The following NGEF variants were observed in gnomAD, a reference collection of about 807,000 sequenced individuals.
The protein encoded by NGEF is ephexin-1.
Under a neutral mutation model 80.9 loss-of-function variants are expected in NGEF, and 31 were observed. The ratio of observed to expected loss-of-function variants is 0.38; its 90% CI spans 0.29 to 0.52. NGEF has a LOEUF of 0.52. NGEF is among the 20% of genes least tolerant of loss of function. NGEF has a pLI of 0.84. For synonymous variants in NGEF, 371 were observed against 370.2 expected (o/e 1.00, Z -0.03); for missense variants, 709 against 926.2 (o/e 0.77, Z 3.04).
At chr2:232,925,373 G>A (rs1693038980) in intron 4 of NGEF, among the ~76,000 whole-genome samples, 1 of 152,220 alleles carries the variant, frequency 6.6e-6, no homozygotes, top group Non-Finnish European at 1.5e-5. Context: ...ACTCTGTTGA[G>A]CTACTATGGG....
rs1487508374 is a variant in NGEF at position 232,882,234 on chromosome 2, C to T, written c.1789G>A (p.Ala597Thr). ...ACAAACTTGGTCCTCCTGTTGGGGGCCAGTGAGGTCATCCAACGCTTCATC... is the reference window on the plus strand; with the variant it reads ...ACAAACTTGGTCCTCCTGTTGGGGGTCAGTGAGGTCATCCAACGCTTCATC... ...SEMKRWMTSL[A>T]PNRRTKFVSF... Residue 597 changes from alanine to threonine, a missense_variant, in exon 13 of 15, where the codon GCC (alanine) becomes ACC (threonine). Around this residue, in one of 2 missense-constraint regions of NGEF, gnomAD observed 426 missense variants for 622.9 expected, o/e 0.68. Transcript: ENST00000264051. The T allele has an allele frequency of 1.2e-6, 2 of 1,613,632 alleles. No individual in the cohort carries two copies. The highest frequency in any genetic ancestry group is 1.7e-6 in the Non-Finnish European group (2 of 1,179,910).
chr2:232,952,862 CA>C (rs1297259870), intron 3 of NGEF, among the ~76,000 whole-genome samples: 1 of 148,544 alleles, frequency 6.7e-6, no homozygotes, highest in Non-Finnish European at 1.5e-5. Flanking sequence ...CCAGCTACTC[CA>C]GAGGCTGAGG....
At chr2:232,903,472 G>A (rs1376826969) in intron 5 of NGEF, among the ~76,000 whole-genome samples, 1 of 152,100 alleles carries the variant, frequency 6.6e-6, no homozygotes, top group Non-Finnish European at 1.5e-5. Flanking sequence ...CTGAATATGT[G>A]TCTGACGAGG....
intron 6 of NGEF, among the ~76,000 whole-genome samples, chr2:232,893,392 C>G (rs1251759974): frequency 6.6e-6 from 1 of 152,242 alleles, no homozygotes; most frequent in East Asian, 1.9e-4. Flanking sequence ...GGGCTGACCA[C>G]TGCTGACGCT....
chr2:232,966,058 C>T (rs574708812), intron 3 of NGEF, among the ~76,000 whole-genome samples: 46 of 152,310 alleles, frequency 3.0e-4, no homozygotes, highest in African/African-American at 9.1e-4. Context: ...TGGTCTCTTT[C>T]GCTGGGTATT....
At chr2:232,979,061 A>G (rs942583579) in intron 1 of NGEF, among the ~76,000 whole-genome samples, 2 of 152,086 alleles carry the variant, frequency 1.3e-5, no homozygotes, top group African/African-American at 2.4e-5. Flanking sequence ...TATACCACCA[A>G]GGGCACTGGG....
intron 1 of NGEF, among the ~76,000 whole-genome samples, chr2:233,008,469 T>A (rs956204535): frequency 2.0e-5 from 3 of 152,198 alleles, no homozygotes; most frequent in Non-Finnish European, 4.4e-5. Context: ...CAGGTTGCAC[T>A]AACTTGTACA....
chr2:233,011,925 G>C (rs896576803), intron 1 of NGEF, among the ~76,000 whole-genome samples: 7 of 152,198 alleles, frequency 4.6e-5, no homozygotes, highest in African/African-American at 7.2e-5. Flanking sequence ...GGATGTGGGA[G>C]GAGAGTGCGG....
At chr2:232,998,412 C>T (rs1031710610) in intron 1 of NGEF, among the ~76,000 whole-genome samples, 1 of 152,094 alleles carries the variant, frequency 6.6e-6, no homozygotes, top group Non-Finnish European at 1.5e-5. Flanking sequence ...TGGAGCATGG[C>T]GCATGTGCTT....
At chr2:232,899,303 C>T (rs1427696893) in intron 5 of NGEF, among the ~76,000 whole-genome samples, 1 of 152,106 alleles carries the variant, frequency 6.6e-6, no homozygotes, top group Non-Finnish European at 1.5e-5. Flanking sequence ...GTAGCCTGGA[C>T]CCGGCTGTCT....
chr2:232,941,498 C>A (rs759300330), intron 3 of NGEF, among the ~76,000 whole-genome samples: 1 of 152,204 alleles, frequency 6.6e-6, no homozygotes. Context: ...ACAAGGACAG[C>A]TTGGAGGTTA....
At position 232,929,580 on chromosome 2, in the gene NGEF, A is replaced by G. The variant is rs565143871; in HGVS notation, c.384-2394T>C. 6.6e-5 allele frequency among the ~76,000 whole-genome samples: 10 copies of G among 152,266 alleles called. No homozygotes were observed. The South Asian group carries it at 2.1e-3, about 32-fold the overall frequency. Reference sequence around the variant, plus strand: ...GGTCTCTTCATGCCCTTAAGGCCTGAGAATATTCGAGACAACCATCTGGTC... The same window carrying G: ...GGTCTCTTCATGCCCTTAAGGCCTGGGAATATTCGAGACAACCATCTGGTC... On this transcript the variant is annotated intron_variant, in intron 3 of 14. Coordinates refer to ENST00000264051, the MANE Select transcript of NGEF (RefSeq NM_019850.3).
chr2:232,944,661 GA>G (rs1203233097), intron 3 of NGEF, among the ~76,000 whole-genome samples: 2 of 146,156 alleles, frequency 1.4e-5, no homozygotes, highest in Non-Finnish European at 3.0e-5. Context: ...AATAAGGAAA[GA>G]AAAAAAGAGA....
At chr2:232,947,079 A>T (rs953752060) in intron 3 of NGEF, among the ~76,000 whole-genome samples, 5 of 152,232 alleles carry the variant, frequency 3.3e-5, no homozygotes, top group African/African-American at 1.2e-4. Context: ...GGCTAATAGG[A>T]AAGAGTATAT....
chr2:232,884,586 G>A (rs572611432), intron 10 of NGEF, among the ~76,000 whole-genome samples: 2 of 152,322 alleles, frequency 1.3e-5, no homozygotes, highest in South Asian at 4.1e-4. Context: ...ATCAGAGAAG[G>A]GGCTGAGTTC....
rs746103889 is a variant in NGEF at position 232,970,239 on chromosome 2, T to C, written c.358A>G (p.Thr120Ala). 165 of 1,596,676 alleles carry C rather than the reference T, an allele frequency of 1.0e-4. No homozygotes were observed. In the Middle Eastern group the frequency reaches 2.5e-3, roughly 25 times the overall value. ...CTCATTTCCTGGGCTCCTGGGTCTG[T>C]CTGCATTGCTGTTCTGCAAGGAGGC... The part of the protein sequence containing the change: ...RMPPCRTAMQ[T>A]DPGAQEMSES... The change falls in exon 3 of 15, where the codon ACA becomes GCA. Residue 120 changes from threonine (T) to alanine (A), a missense_variant. By Grantham distance (58) the Thr-to-Ala change is moderately conservative (BLOSUM62 0). Transcript: ENST00000264051.
intron 5 of NGEF, among the ~76,000 whole-genome samples, chr2:232,906,107 T>C (rs191329441): frequency 0.64 from 45,918 of 72,146 alleles, 14,377 homozygotes; most frequent in East Asian, 0.67. Context: ...CCGTCCCGTC[T>C]GGGAGGGAGG....
intron 10 of NGEF, 158 bp downstream of exon 10, chr2:232,885,122 T>G (rs1574985628): frequency 8.0e-6 from 5 of 623,508 alleles, no homozygotes; most frequent in East Asian, 2.7e-5. Context: ...GCAGGCGGGG[T>G]GGCTTCAGCT....
chr2:232,939,175 CAAAAAAAAAAAAA>C (rs60357492), intron 3 of NGEF, among the ~76,000 whole-genome samples: 10 of 66,074 alleles, frequency 1.5e-4, no homozygotes, highest in African/African-American at 3.0e-4. Context: ...GACTCAGTCT[CAAAAAAAAAAAAA>C]AAAAAAAAAA....
Sources: gnomAD v4.1 joint callset for allele counts (sites outside exome capture counted in the v4.1 genomes callset) on GRCh38, gnomAD v4.1.1 for gene constraint, gnomAD v4.1.1 regional missense constraint, MANE v1.5 for transcripts, NCBI Gene and HGNC (gene_info 2026-07-23, HGNC 2026-07-21) for gene names.